The following PGM3 variants were observed in gnomAD, a reference collection of about 807,000 sequenced individuals.
PGM3 encodes phosphoacetylglucosamine mutase.
Under a neutral mutation model 66.2 loss-of-function variants are expected in PGM3, and 40 were observed. The observed-to-expected ratio is 0.60, with a 90% CI of 0.47 to 0.79. The LOEUF (loss-of-function observed/expected upper bound fraction) is 0.79, where lower values mean the gene tolerates loss of function less well. PGM3 is among the 30% of genes least tolerant of loss of function. PGM3 has a pLI of 0.00. For missense variants in PGM3, 537 were observed against 643.4 expected (o/e 0.83, Z 1.79); for synonymous variants, 191 against 224.2 (o/e 0.85, Z 1.32).
chr6:83,181,061 A>G (rs1167928789), intron 6 of PGM3, among the ~76,000 whole-genome samples: 2 of 152,206 alleles, frequency 1.3e-5, no homozygotes, highest in East Asian at 3.9e-4. Flanking sequence ...CAAACAAAAC[A>G]TATCTGCAAG....
chr6:83,164,959 A>C lies in PGM3; in HGVS notation c.*4275T>G. The C allele has an allele frequency of 2.3e-6, 1 of 426,650 alleles. No homozygotes were observed. The highest frequency in any genetic ancestry group is 4.1e-6 in the Non-Finnish European group (1 of 241,440). 26.4% of individuals were successfully genotyped at this position (426,650 alleles called of 1,614,324 possible). ...GCATCAGAAACTCTGAATCAAGTGT[A>C]TTCTTCTTGGTCAAGAGCTTAATAA... On this transcript the variant is annotated 3_prime_UTR_variant, in exon 13 of 13. Coordinates refer to ENST00000513973, the MANE Select transcript of PGM3 (RefSeq NM_015599.3).
downstream of PGM3, chr6:83,157,460 A>G: frequency 1.1e-6 from 1 of 879,772 alleles, no homozygotes; most frequent in Non-Finnish European, 1.8e-6. Flanking sequence ...TTACAGTTGA[A>G]AATAGTAAAA....
rs1219337174 is a variant in PGM3 at position 83,191,958 on chromosome 6, C to CAAAAAAAAAAAAAA, written c.-2-958_-2-945dup. On this transcript the variant is annotated intron_variant, in intron 1 of 12. Coordinates refer to ENST00000513973, the MANE Select transcript of PGM3 (RefSeq NM_015599.3). Reference sequence around the variant, plus strand: ...TGGGTGACAAAGGGAGACTCGGTCTCAAAAAAAAAAAAAAAAAAAAAAAAC... The same window carrying CAAAAAAAAAAAAAA: ...TGGGTGACAAAGGGAGACTCGGTCTCAAAAAAAAAAAAAAAAAAAAAAAAAAAAAAAAAAAAAAC... 8.1e-4 allele frequency among the ~76,000 whole-genome samples: 32 copies of CAAAAAAAAAAAAAA among 39,364 alleles called. 4 individuals are homozygous for CAAAAAAAAAAAAAA. Among genetic ancestry groups the CAAAAAAAAAAAAAA allele is most frequent in the East Asian group, 2.7e-3 (3 of 1,122 alleles). 25.8% of individuals were successfully genotyped at this position (39,364 alleles called of 152,430 possible). A position where few individuals can be genotyped will look rare whatever the true frequency, so the allele number is the denominator to read the frequency against.
At chr6:83,170,813 T>TA (rs1786934681) in intron 11 of PGM3, 1 of 180,804 alleles carries the variant, frequency 5.5e-6, no homozygotes, top group Admixed American at 5.8e-5. Flanking sequence ...AAGAATTTCT[T>TA]AAATATGCCA....
intron 8 of PGM3, among the ~76,000 whole-genome samples, chr6:83,177,945 TGGC>T (rs1583272934): frequency 6.6e-6 from 1 of 152,274 alleles, no homozygotes; most frequent in East Asian, 1.9e-4. Context: ...CCCTGCTCCT[TGGC>T]TATAAAGCCC....
At chr6:83,157,389 C>G (rs372260213), downstream of PGM3, 10 of 1,498,420 alleles carry the variant, frequency 6.7e-6, no homozygotes, top group South Asian at 1.0e-4. Flanking sequence ...CATGTGCTTA[C>G]TAGATATTAA....
chr6:83,162,657 C>A, downstream of PGM3: 1 of 962,428 alleles, frequency 1.0e-6, no homozygotes, highest in Non-Finnish European at 1.5e-6. Flanking sequence ...AGTGACAAGG[C>A]TACGAGTGGC....
chr6:83,191,746 T>G (rs1789079987), intron 1 of PGM3, among the ~76,000 whole-genome samples: 1 of 152,160 alleles, frequency 6.6e-6, no homozygotes, highest in Non-Finnish European at 1.5e-5. Flanking sequence ...CTTAGCACTT[T>G]GAGAGGCCAA....
In PGM3 at chr6:83,167,030, CTG is replaced by C. The variant is rs1477179571; in HGVS notation, c.*2202_*2203del. The C allele has an allele frequency of 7.1e-6, 7 of 985,202 alleles. No individual in the cohort carries two copies. Among genetic ancestry groups the C allele is most frequent in the Non-Finnish European group, 8.4e-6 (7 of 829,852 alleles). 61.0% of individuals were successfully genotyped at this position (985,202 alleles called of 1,614,324 possible). Reference sequence around the variant, plus strand: ...TCTCTAGACAGAATGATGTCTGTAGCTGTGTTTGTGTAATTCAGGTGGCTTCT... The same window carrying C: ...TCTCTAGACAGAATGATGTCTGTAGCTGTTTGTGTAATTCAGGTGGCTTCT... On this transcript the variant is annotated 3_prime_UTR_variant, in exon 13 of 13. Coordinates refer to ENST00000513973, the MANE Select transcript of PGM3 (RefSeq NM_015599.3).
the PGM3 span, among the ~76,000 whole-genome samples, chr6:83,149,105 G>C: frequency 6.6e-6 from 1 of 152,216 alleles, no homozygotes; most frequent in East Asian, 1.9e-4. Flanking sequence ...ACATAAAACT[G>C]TTACAACAGT....
At chr6:83,162,884 G>A (rs1346443654), downstream of PGM3, 1 of 1,612,946 alleles carries the variant, frequency 6.2e-7, no homozygotes, top group African/African-American at 1.3e-5. Context: ...ACCTTACGTG[G>A]TACGACTAGC....
At chr6:83,159,384 C>T (rs10943928), downstream of PGM3, among the ~76,000 whole-genome samples, 2 of 151,986 alleles carry the variant, frequency 1.3e-5, no homozygotes, top group African/African-American at 2.4e-5. Context: ...GGTGATTCCC[C>T]CACCTCAGCC....
chr6:83,158,758 A>G, downstream of PGM3: 4 of 683,666 alleles, frequency 5.9e-6, no homozygotes, highest in Non-Finnish European at 9.6e-6. Flanking sequence ...ACGTTTGGAT[A>G]TAATGTAGTT....
chr6:83,164,683 A>C (rs748567368), downstream of PGM3: 2 of 1,587,592 alleles, frequency 1.3e-6, no homozygotes, highest in Non-Finnish European at 1.7e-6. Flanking sequence ...ACTTTAAGAC[A>C]GTGATTTTGG....
chr6:83,149,184 G>A, the PGM3 span, among the ~76,000 whole-genome samples: 1 of 152,136 alleles, frequency 6.6e-6, no homozygotes. Flanking sequence ...GGCTGAAGGG[G>A]AACTTCACAG....
rs1054390053 is a variant in PGM3 at position 83,167,121 on chromosome 6, C to T, written c.*2113G>A. On this transcript the variant is annotated 3_prime_UTR_variant, in exon 13 of 13. Transcript: ENST00000513973. ...ATTTAGTTGACAGAGTTTTCACATA[C>T]CTTCTCATTTGACTTCTCTACTAAA... 1.0e-6 allele frequency: 1 copy of T among 962,772 alleles called. No homozygotes were observed. The allele number at this position is 962,772 out of a possible 1,614,324, so 59.6% of individuals were successfully genotyped here.
At chr6:83,170,581 T>C (rs1786884409) in intron 11 of PGM3, 103 bp from the exon 12 acceptor site, 1 of 892,196 alleles carries the variant, frequency 1.1e-6, no homozygotes, top group Non-Finnish European at 1.7e-6. Flanking sequence ...AAATATAAAA[T>C]TACATTAAAA....
At chr6:83,153,295 A>T in the PGM3 span, 3 of 331,952 alleles carry the variant, frequency 9.0e-6, no homozygotes. Context: ...TCAGTTGGAA[A>T]TGGCAAGATT....
chr6:83,155,988 C>G, the PGM3 span: 1 of 1,614,022 alleles, frequency 6.2e-7, no homozygotes, highest in Non-Finnish European at 8.5e-7. Context: ...CACTTAATCT[C>G]TTTGCAAACC....
Sources: gnomAD v4.1 joint callset for allele counts (sites outside exome capture counted in the v4.1 genomes callset) on GRCh38, gnomAD v4.1.1 for gene constraint, MANE v1.5 for transcripts, NCBI Gene and HGNC (gene_info 2026-07-23, HGNC 2026-07-21) for gene names.